The following CACNB4 variants were observed in gnomAD, a reference collection of about 807,000 sequenced individuals.
CACNB4 encodes the protein voltage-dependent L-type calcium channel subunit beta-4.
CACNB4 carries 32 observed loss-of-function variants against 71.2 expected under a neutral mutation model. That is an observed-to-expected ratio of 0.45 (90% CI 0.34 to 0.60). The LOEUF (loss-of-function observed/expected upper bound fraction) is 0.60, where lower values mean the gene tolerates loss of function less well. CACNB4 is among the 20% of genes least tolerant of loss of function. CACNB4 has a pLI of 0.01. For synonymous variants in CACNB4, 231 were observed against 236.9 expected (o/e 0.97, Z 0.23); for missense variants, 464 against 647.9 (o/e 0.72, Z 3.08).
At chr2:151,862,493 A>T (rs1381706080) in intron 9 of CACNB4, among the ~76,000 whole-genome samples, 1 of 152,108 alleles carries the variant, frequency 6.6e-6, no homozygotes, top group Non-Finnish European at 1.5e-5. Context: ...CATCTTCAAA[A>T]TTGTCTCCCG....
intron 2 of CACNB4, chr2:151,971,336 C>T: frequency 1.7e-6 from 1 of 598,236 alleles, no homozygotes; most frequent in Admixed American, 2.9e-5. Context: ...CCCCCACACA[C>T]CCCACAAAGA....
chr2:152,089,722 A>G (rs933732926), intron 2 of CACNB4, among the ~76,000 whole-genome samples: 2 of 152,022 alleles, frequency 1.3e-5, no homozygotes, highest in African/African-American at 4.8e-5. Flanking sequence ...GCTTGAGCCC[A>G]GCAGTTTGAG....
At chr2:151,845,455 C>A (rs890665226) in intron 12 of CACNB4, among the ~76,000 whole-genome samples, 1 of 151,472 alleles carries the variant, frequency 6.6e-6, no homozygotes, top group Non-Finnish European at 1.5e-5. Flanking sequence ...CTGAGTAGAT[C>A]AGAGTGATAG....
At chr2:151,916,687 G>C (rs897786466) in intron 2 of CACNB4, among the ~76,000 whole-genome samples, 2 of 152,208 alleles carry the variant, frequency 1.3e-5, no homozygotes, top group Admixed American at 1.3e-4. Flanking sequence ...TGACTGCAGA[G>C]CCACAAGAGG....
chr2:151,880,190 T>C (rs1268388504), intron 4 of CACNB4: 2 of 152,754 alleles, frequency 1.3e-5, no homozygotes, highest in East Asian at 3.8e-4. Context: ...TTTCCCTGCA[T>C]GTCACAATGA....
intron 2 of CACNB4, among the ~76,000 whole-genome samples, chr2:151,989,358 A>T (rs939063219): frequency 1.3e-5 from 2 of 152,182 alleles, no homozygotes; most frequent in African/African-American, 4.8e-5. Flanking sequence ...ATGTTTCAAT[A>T]ATCTGGCCTT....
rs879114509 is a variant in CACNB4, at chr2:151,838,664, G to GTT, written c.*453_*454dup. 2 of 146,176 alleles carry GTT rather than the reference G, an allele frequency of 1.4e-5. No individual in the cohort carries two copies. The highest frequency in any genetic ancestry group is 2.5e-5 in the African/African-American group (1 of 39,982). 9.1% of individuals were successfully genotyped at this position (146,176 alleles called of 1,614,324 possible). On this transcript the variant is annotated 3_prime_UTR_variant, in exon 14 of 14. Coordinates refer to ENST00000539935, the MANE Select transcript of CACNB4 (RefSeq NM_000726.5). ...TATTGGTATTTCGATTTTCTTATTA[G>GTT]TTTTTTTTTTTTCCCCCCAGATTTT... is the stretch of plus-strand genomic sequence containing the variant.
chr2:151,979,780 T>A (rs1026579914), intron 2 of CACNB4, among the ~76,000 whole-genome samples: 1 of 152,180 alleles, frequency 6.6e-6, no homozygotes, highest in Non-Finnish European at 1.5e-5. Context: ...AGACAGAAAT[T>A]GAACCAAGGA....
At chr2:151,981,010 C>T (rs921028794) in intron 2 of CACNB4, among the ~76,000 whole-genome samples, 1 of 152,170 alleles carries the variant, frequency 6.6e-6, no homozygotes, top group African/African-American at 2.4e-5. Flanking sequence ...CTGTCCCCTA[C>T]CCCGACTGCT....
chr2:151,947,605 C>T (rs2099865911), intron 2 of CACNB4, among the ~76,000 whole-genome samples: 1 of 152,156 alleles, frequency 6.6e-6, no homozygotes, highest in Non-Finnish European at 1.5e-5. Context: ...CTGCCAGAAA[C>T]GTTTACTGCA....
intron 2 of CACNB4, among the ~76,000 whole-genome samples, chr2:151,945,485 C>A (rs2151644258): frequency 6.6e-6 from 1 of 152,002 alleles, no homozygotes; most frequent in East Asian, 1.9e-4. Context: ...AACCTTGTCT[C>A]TACAAAAATT....
At chr2:151,956,237 T>G (rs1363607006) in intron 2 of CACNB4, among the ~76,000 whole-genome samples, 3 of 152,188 alleles carry the variant, frequency 2.0e-5, no homozygotes, top group African/African-American at 7.2e-5. Flanking sequence ...ACCCAAGAAC[T>G]TGTGCATGAA....
intron 2 of CACNB4, among the ~76,000 whole-genome samples, chr2:152,035,885 C>T (rs1268777563): frequency 2.0e-5 from 3 of 151,908 alleles, no homozygotes; most frequent in Admixed American, 6.6e-5. Context: ...CTGTGTTCAC[C>T]GCAGCATTAT....
intron 2 of CACNB4, among the ~76,000 whole-genome samples, chr2:151,929,442 C>T (rs937531285): frequency 2.2e-4 from 33 of 152,088 alleles, no homozygotes; most frequent in African/African-American, 6.0e-4. Context: ...CATAATATAC[C>T]AGAAGGCTTT....
chr2:151,962,278 A>G (rs1281917532), intron 2 of CACNB4, among the ~76,000 whole-genome samples: 1 of 152,178 alleles, frequency 6.6e-6, no homozygotes, highest in Non-Finnish European at 1.5e-5. Flanking sequence ...CTGGGAATGC[A>G]CTTACTAGCC....
intron 2 of CACNB4, among the ~76,000 whole-genome samples, chr2:151,896,152 G>C (rs1392032170): frequency 6.6e-6 from 1 of 152,116 alleles, no homozygotes; most frequent in Non-Finnish European, 1.5e-5. Context: ...AGCCAACTGT[G>C]TTCTTTCAAA....
chr2:152,089,921 C>G (rs1432462703), intron 2 of CACNB4, among the ~76,000 whole-genome samples: 2 of 152,100 alleles, frequency 1.3e-5, no homozygotes, highest in African/African-American at 2.4e-5. Context: ...AAAAGAAAGA[C>G]AGAAAGCAGA....
chr2:151,833,702 T>C lies in CACNB4; in HGVS notation c.*5417A>G, dbSNP rs2099834286. 6.6e-6 allele frequency: 1 copy of C among 152,210 alleles called. No homozygotes were observed. The highest frequency in any genetic ancestry group is 6.5e-5 in the Admixed American group (1 of 15,302). 9.4% of individuals were successfully genotyped at this position (152,210 alleles called of 1,614,324 possible). A position where few individuals can be genotyped will look rare whatever the true frequency, so the allele number is the denominator to read the frequency against. ...GACAAAACTTAGAACTAAATCGACA[T>C]ACTTTTAAAAAATATGACTGCCAAA... On this transcript the variant is annotated 3_prime_UTR_variant, in exon 14 of 14. Transcript: ENST00000539935.
At chr2:151,890,626 A>G (rs1225185187) in intron 2 of CACNB4, among the ~76,000 whole-genome samples, 1 of 152,164 alleles carries the variant, frequency 6.6e-6, no homozygotes, top group Non-Finnish European at 1.5e-5. Context: ...AACATCAAAC[A>G]TTTTAGCTGC....
Sources: allele counts gnomAD v4.1 joint callset (sites outside exome capture counted in the v4.1 genomes callset), GRCh38; gene constraint gnomAD v4.1.1; transcripts MANE v1.5; gene names NCBI Gene and HGNC (gene_info 2026-07-23, HGNC 2026-07-21).